The following ARHGAP15 variants were observed in gnomAD, a reference collection of about 807,000 sequenced individuals.
ARHGAP15 encodes Rho GTPase activating protein 15.
Under a neutral mutation model 63.7 loss-of-function variants are expected in ARHGAP15, and 51 were observed. That is an observed-to-expected ratio of 0.80 (90% CI 0.64 to 1.01). ARHGAP15 has a LOEUF of 1.01. ARHGAP15 is among the 50% of genes least tolerant of loss of function. ARHGAP15 has a pLI of 0.00. For synonymous variants in ARHGAP15, 191 were observed against 193.8 expected (o/e 0.99, Z 0.12); for missense variants, 560 against 564.6 (o/e 0.99, Z 0.08).
chr2:143,137,780 G>T (rs1689206089), intron 1 of ARHGAP15, among the ~76,000 whole-genome samples: 1 of 151,996 alleles, frequency 6.6e-6, no homozygotes, highest in South Asian at 2.1e-4. Flanking sequence ...TCAGGAAATT[G>T]GATGCTGAGT....
At chr2:143,749,369 T>G (rs575190881) in intron 13 of ARHGAP15, among the ~76,000 whole-genome samples, 1 of 152,336 alleles carries the variant, frequency 6.6e-6, no homozygotes, top group Admixed American at 6.5e-5. Flanking sequence ...GGCCTGGTCA[T>G]GATCACACGA....
intron 6 of ARHGAP15, among the ~76,000 whole-genome samples, chr2:143,401,175 A>G (rs1687972624): frequency 6.6e-6 from 1 of 152,042 alleles, no homozygotes; most frequent in South Asian, 2.1e-4. Flanking sequence ...AGCAGGATTA[A>G]TAATTTCTTT....
chr2:143,140,787 G>A (rs1422083297), intron 1 of ARHGAP15, among the ~76,000 whole-genome samples: 1 of 152,092 alleles, frequency 6.6e-6, no homozygotes, highest in East Asian at 1.9e-4. Flanking sequence ...AAAGCAATTG[G>A]TGTTAGCGCA....
intron 3 of ARHGAP15, 94 bp from the exon 4 acceptor site, chr2:143,216,290 C>T (rs1273763582): frequency 1.1e-6 from 1 of 929,432 alleles, no homozygotes; most frequent in Non-Finnish European, 1.7e-6. Context: ...TGAAAACTTC[C>T]GTCACTGCAA....
At chr2:143,741,665 C>G (rs1367086385) in intron 13 of ARHGAP15, among the ~76,000 whole-genome samples, 1 of 152,112 alleles carries the variant, frequency 6.6e-6, no homozygotes, top group Non-Finnish European at 1.5e-5. Context: ...TCTGCTTTAC[C>G]GAATACATTT....
chr2:143,488,235 T>C (rs1486204859), intron 9 of ARHGAP15, among the ~76,000 whole-genome samples: 1 of 152,190 alleles, frequency 6.6e-6, no homozygotes, highest in African/African-American at 2.4e-5. Flanking sequence ...AAGGAATAAA[T>C]GACATAGCCT....
chr2:143,462,704 C>G (rs1051805812), intron 8 of ARHGAP15, among the ~76,000 whole-genome samples: 2 of 152,238 alleles, frequency 1.3e-5, no homozygotes, highest in South Asian at 2.1e-4. Context: ...AAAAGTTAGA[C>G]CAAACAGTCA....
intron 12 of ARHGAP15, among the ~76,000 whole-genome samples, chr2:143,648,477 G>A (rs758666467): frequency 5.9e-4 from 90 of 151,998 alleles, no homozygotes; most frequent in South Asian, 3.3e-3. Flanking sequence ...CTTCTCATTC[G>A]TGAACTCAAG....
chr2:143,635,194 CTTTTTTTTT>C (rs10558886), intron 12 of ARHGAP15, among the ~76,000 whole-genome samples: 1,532 of 26,772 alleles, frequency 0.057, 5 homozygotes, highest in Middle Eastern at 0.15. Flanking sequence ...CTCTCAGGAG[CTTTTTTTTT>C]TTTTTTTTTT....
At chr2:143,564,922 A>G (rs1200064980) in intron 11 of ARHGAP15, among the ~76,000 whole-genome samples, 4 of 152,214 alleles carry the variant, frequency 2.6e-5, no homozygotes, top group Non-Finnish European at 4.4e-5. Context: ...AATATGAAAA[A>G]TGTAATACAT....
At chr2:143,320,404 C>A (rs1204741889) in intron 6 of ARHGAP15, among the ~76,000 whole-genome samples, 11 of 8,606 alleles carry the variant, frequency 1.3e-3, no homozygotes, top group Non-Finnish European at 3.9e-3. Context: ...ATCAGGACTT[C>A]CCCACCCCCC....
intron 4 of ARHGAP15, among the ~76,000 whole-genome samples, chr2:143,220,850 C>T (rs1298514956): frequency 1.3e-5 from 2 of 152,048 alleles, no homozygotes; most frequent in African/African-American, 4.8e-5. Flanking sequence ...CTTACTCTGT[C>T]AAGCACTTGG....
chr2:143,230,712 A>G (rs1007491843), intron 5 of ARHGAP15, among the ~76,000 whole-genome samples: 4 of 152,224 alleles, frequency 2.6e-5, no homozygotes, highest in African/African-American at 9.6e-5. Context: ...TTAAAGGCCT[A>G]GTGGGATAGC....
chr2:143,184,399 T>G (rs2105075936), intron 2 of ARHGAP15, among the ~76,000 whole-genome samples: 1 of 152,328 alleles, frequency 6.6e-6, no homozygotes, highest in Middle Eastern at 3.4e-3. Context: ...GACTAATTCC[T>G]TTATCCACAT....
intron 12 of ARHGAP15, among the ~76,000 whole-genome samples, chr2:143,656,510 TG>T (rs991467578): frequency 7.9e-5 from 12 of 152,320 alleles, no homozygotes; most frequent in Admixed American, 7.8e-4. Flanking sequence ...AAGCCTTCTG[TG>T]AGAATAGCTT....
intron 13 of ARHGAP15, among the ~76,000 whole-genome samples, chr2:143,711,461 T>G (rs1684576697): frequency 1.3e-5 from 2 of 152,138 alleles, no homozygotes; most frequent in South Asian, 4.1e-4. Context: ...GAGAGAATAC[T>G]CTGTACAAGA....
At chr2:143,453,223 G>T (rs1690488840) in intron 8 of ARHGAP15, among the ~76,000 whole-genome samples, 1 of 151,968 alleles carries the variant, frequency 6.6e-6, no homozygotes, top group Non-Finnish European at 1.5e-5. Flanking sequence ...GTTAGAATTT[G>T]AAACCAAGCA....
chr2:143,694,983 G>C (rs977081125), intron 12 of ARHGAP15, among the ~76,000 whole-genome samples: 6 of 152,130 alleles, frequency 3.9e-5, no homozygotes, highest in African/African-American at 1.4e-4. Context: ...CCAATGGAAA[G>C]ACACACATTG....
At chr2:143,195,417 G>A (rs890605172) in intron 2 of ARHGAP15, among the ~76,000 whole-genome samples, 1 of 152,006 alleles carries the variant, frequency 6.6e-6, no homozygotes, top group Non-Finnish European at 1.5e-5. Flanking sequence ...TTTAGGTAGT[G>A]TTAGAATAAT....
Sources: gnomAD v4.1 joint callset for allele counts (sites outside exome capture counted in the v4.1 genomes callset) on GRCh38, gnomAD v4.1.1 for gene constraint, MANE v1.5 for transcripts, NCBI Gene and HGNC (gene_info 2026-07-23, HGNC 2026-07-21) for gene names.